DEPTOR: variants seen among roughly 807,000 people sequenced by gnomAD.
DEPTOR encodes DEP domain containing MTOR interacting protein, also known as DEP domain-containing mTOR-interacting protein.
A neutral mutation model predicts 41.6 loss-of-function variants in DEPTOR; 41 were observed. The ratio of observed to expected loss-of-function variants is 0.98; its 90% CI spans 0.77 to 1.28. DEPTOR has a LOEUF of 1.28. Among genes scored for constraint, DEPTOR ranks in the 50% most tolerant of loss-of-function variants. The pLI is 0.00. For synonymous variants in DEPTOR, 195 were observed against 192.3 expected (o/e 1.01, Z -0.12); for missense variants, 514 against 527.9 (o/e 0.97, Z 0.26).
intron 8 of DEPTOR, among the ~76,000 whole-genome samples, chr8:120,033,320 C>T (rs1812924533): frequency 6.6e-6 from 1 of 152,104 alleles, no homozygotes; most frequent in African/African-American, 2.4e-5. Flanking sequence ...CTCCTAACCT[C>T]AGGTGTTCCA....
intron 3 of DEPTOR, among the ~76,000 whole-genome samples, chr8:119,935,579 G>A (rs1160527934): frequency 6.6e-6 from 1 of 152,056 alleles, no homozygotes; most frequent in Non-Finnish European, 1.5e-5. Context: ...AAATTAGCCA[G>A]GCGTGGTGGC....
At chr8:119,881,698 A>C (rs1827299573) in intron 1 of DEPTOR, among the ~76,000 whole-genome samples, 1 of 152,112 alleles carries the variant, frequency 6.6e-6, no homozygotes, top group African/African-American at 2.4e-5. Flanking sequence ...AGAATATCTT[A>C]GGGGGTGTCC....
At chr8:119,936,243 C>T (rs974278383) in intron 3 of DEPTOR, among the ~76,000 whole-genome samples, 1 of 152,112 alleles carries the variant, frequency 6.6e-6, no homozygotes, top group African/African-American at 2.4e-5. Flanking sequence ...AGCCCTTCTG[C>T]GTGTTTTATC....
chr8:120,029,283 A>T (rs1352101302), intron 8 of DEPTOR, among the ~76,000 whole-genome samples: 2 of 152,176 alleles, frequency 1.3e-5, no homozygotes, highest in Non-Finnish European at 2.9e-5. Context: ...TGGGCAACGG[A>T]CATTTTTTTA....
intron 1 of DEPTOR, among the ~76,000 whole-genome samples, chr8:119,876,062 A>G (rs1827227525): frequency 6.6e-6 from 1 of 152,174 alleles, no homozygotes; most frequent in Non-Finnish European, 1.5e-5. Flanking sequence ...CTTATTTTTC[A>G]TTTATTTTAC....
intron 1 of DEPTOR, among the ~76,000 whole-genome samples, chr8:119,919,708 G>A (rs553390110): frequency 6.6e-6 from 1 of 152,216 alleles, no homozygotes; most frequent in African/African-American, 2.4e-5. Context: ...CAGTACTGTT[G>A]CCCAAATCAC....
intron 7 of DEPTOR, among the ~76,000 whole-genome samples, chr8:120,008,658 G>C (rs1812485716): frequency 6.6e-6 from 1 of 151,890 alleles, no homozygotes; most frequent in African/African-American, 2.4e-5. Flanking sequence ...AACAAACTTA[G>C]AGCAGAAATT....
intron 3 of DEPTOR, among the ~76,000 whole-genome samples, chr8:119,956,689 TC>T (rs1322552423): frequency 6.8e-6 from 1 of 146,414 alleles, no homozygotes; most frequent in African/African-American, 2.5e-5. Context: ...CACACAGGTC[TC>T]CTTTTTTTTT....
At chr8:120,043,622 G>A (rs935065726) in intron 8 of DEPTOR, among the ~76,000 whole-genome samples, 1 of 152,182 alleles carries the variant, frequency 6.6e-6, no homozygotes, top group Non-Finnish European at 1.5e-5. Flanking sequence ...ATGTAGGCCT[G>A]TAGAGTATCC....
intron 8 of DEPTOR, among the ~76,000 whole-genome samples, chr8:120,013,926 A>G (rs1045258508): frequency 6.8e-6 from 1 of 147,790 alleles, no homozygotes; most frequent in African/African-American, 2.5e-5. Flanking sequence ...TGCAACCTCC[A>G]CATCCTGGGT....
intron 8 of DEPTOR, among the ~76,000 whole-genome samples, chr8:120,015,136 C>T (rs752186376): frequency 1.3e-5 from 2 of 152,150 alleles, no homozygotes; most frequent in Non-Finnish European, 1.5e-5. Flanking sequence ...TAGGAATAAA[C>T]TCAGATGTTT....
At position 120,007,450 on chromosome 8, in the gene DEPTOR, C is replaced by T. The variant is rs994423968; in HGVS notation, c.996+575C>T. 9.2e-5 allele frequency among the ~76,000 whole-genome samples: 14 copies of T among 151,936 alleles called. No individual in the cohort carries two copies. In the East Asian group the frequency reaches 9.6e-4, roughly 10 times the overall value. On this transcript the variant is annotated intron_variant, in intron 7 of 8. Coordinates refer to ENST00000286234, the MANE Select transcript of DEPTOR (RefSeq NM_022783.4). The stretch of plus-strand genomic sequence containing the variant: ...GCCTCTGACTTGCTGTGAGCAGCTC[C>T]GGACCACCTGCCCCTTCTTGGAGGT...
intron 4 of DEPTOR, among the ~76,000 whole-genome samples, chr8:119,994,800 T>C (rs1163091369): frequency 1.3e-5 from 2 of 151,228 alleles, no homozygotes; most frequent in African/African-American, 4.9e-5. Context: ...GCCTGTAGTC[T>C]CAGCTACTTG....
At chr8:119,970,970 C>T (rs1230006177) in intron 4 of DEPTOR, among the ~76,000 whole-genome samples, 1 of 152,126 alleles carries the variant, frequency 6.6e-6, no homozygotes, top group Non-Finnish European at 1.5e-5. Context: ...GTGGCTCACA[C>T]CCGTAATCCC....
intron 7 of DEPTOR, 32 bp from the exon 8 acceptor site, chr8:120,008,997 G>T: frequency 6.2e-7 from 1 of 1,607,366 alleles, no homozygotes; most frequent in Non-Finnish European, 8.5e-7. Context: ...GGAGACAGTC[G>T]GCTGCTTGCT....
intron 8 of DEPTOR, among the ~76,000 whole-genome samples, chr8:120,014,355 T>C (rs1210375840): frequency 2.0e-5 from 3 of 152,172 alleles, no homozygotes; most frequent in African/African-American, 7.2e-5. Flanking sequence ...GAACTGTCTC[T>C]TCTATGTACC....
At chr8:119,997,419 A>AT (rs575857598) in intron 4 of DEPTOR, among the ~76,000 whole-genome samples, 115 of 152,018 alleles carry the variant, frequency 7.6e-4, no homozygotes, top group Non-Finnish European at 1.2e-3. Flanking sequence ...ATTTCATTTT[A>AT]TTTTTGGAGA....
At chr8:119,909,903 T>C (rs577389355) in intron 1 of DEPTOR, among the ~76,000 whole-genome samples, 3 of 152,248 alleles carry the variant, frequency 2.0e-5, no homozygotes, top group Non-Finnish European at 4.4e-5. Flanking sequence ...TTTATTATTA[T>C]GTAGAACCTC....
At chr8:119,963,420 G>A (rs1306371834) in intron 3 of DEPTOR, among the ~76,000 whole-genome samples, 1 of 151,784 alleles carries the variant, frequency 6.6e-6, no homozygotes, top group Non-Finnish European at 1.5e-5. Flanking sequence ...GTGTGAACTC[G>A]GCTCACTGCA....
Sources: allele counts gnomAD v4.1 joint callset (sites outside exome capture counted in the v4.1 genomes callset), GRCh38; gene constraint gnomAD v4.1.1; transcripts MANE v1.5; gene names NCBI Gene and HGNC (gene_info 2026-07-23, HGNC 2026-07-21).